Variants in ATXN2 observed in about 807,000 individuals in gnomAD.
ATXN2 encodes ataxin-2.
In ATXN2, 37 loss-of-function variants were observed where a neutral mutation model predicts 138.6. That is an observed-to-expected ratio of 0.27 (90% confidence interval 0.21 to 0.35). The LOEUF is 0.35. ATXN2 is among the 10% of genes least tolerant of loss of function. The probability of loss-of-function intolerance (pLI) is 1.00; values close to 1 mark genes in which losing one functional copy is unlikely to be tolerated. For missense variants in ATXN2, 1,216 were observed against 1,480.3 expected (o/e 0.82, Z 2.93); for synonymous variants, 549 against 543.7 (o/e 1.01, Z -0.13).
intron 1 of ATXN2, among the ~76,000 whole-genome samples, chr12:111,591,141 G>A (rs61295581): frequency 3.3e-5 from 5 of 151,856 alleles, no homozygotes; most frequent in Non-Finnish European, 5.9e-5. Context: ...TGCCCGCCTC[G>A]GCCTCCCAAA....
chr12:111,585,330 T>G (rs917916225), intron 1 of ATXN2, among the ~76,000 whole-genome samples: 7 of 151,278 alleles, frequency 4.6e-5, no homozygotes, highest in Non-Finnish European at 8.8e-5. Flanking sequence ...CTGGCCAATA[T>G]GGCAAAACCC....
chr12:111,521,877 T>C (rs1880176475), intron 6 of ATXN2, among the ~76,000 whole-genome samples: 1 of 152,136 alleles, frequency 6.6e-6, no homozygotes, highest in Non-Finnish European at 1.5e-5. Context: ...AATCAACCAA[T>C]TGGGCCACAG....
intron 18 of ATXN2, among the ~76,000 whole-genome samples, chr12:111,482,983 T>A (rs1877356477): frequency 6.6e-6 from 1 of 150,480 alleles, no homozygotes; most frequent in African/African-American, 2.5e-5. Flanking sequence ...AGCCCAGGAG[T>A]TTGAGACCAG....
rs145251550 is a variant in ATXN2, at chr12:111,470,924, T to C, written c.2525-182A>G. On this transcript the variant is annotated intron_variant, in intron 18 of 24. Transcript: ENST00000673436. The stretch of plus-strand genomic sequence containing the variant: ...CTATCATGCATGCTAGTCCTCAGCC[T>C]CAAACACCAGTTCCCAAATCCCAGC... The C allele has an allele frequency of 1.1e-3, 688 of 624,120 alleles. 3 individuals are homozygous for C. Among genetic ancestry groups the C allele is most frequent in the African/African-American group, 9.9e-3 (538 of 54,480 alleles). 38.7% of individuals were successfully genotyped at this position (624,120 alleles called of 1,614,324 possible).
At chr12:111,491,437 T>C (rs1171074641) in intron 14 of ATXN2, among the ~76,000 whole-genome samples, 1 of 152,036 alleles carries the variant, frequency 6.6e-6, no homozygotes, top group Non-Finnish European at 1.5e-5. Context: ...AGACACCAGC[T>C]AGGGTGGCCA....
chr12:111,504,253 C>A (rs776557696), intron 14 of ATXN2, among the ~76,000 whole-genome samples: 1 of 152,192 alleles, frequency 6.6e-6, no homozygotes, highest in African/African-American at 2.4e-5. Flanking sequence ...TTGTAGTCAA[C>A]AGACTTCCAA....
At chr12:111,521,687 C>CAGCAT (rs1235355691) in intron 6 of ATXN2, among the ~76,000 whole-genome samples, 46 of 152,194 alleles carry the variant, frequency 3.0e-4, no homozygotes, top group Non-Finnish European at 2.4e-4. Flanking sequence ...CCTATAACCT[C>CAGCAT]AGCATAGGTA....
chr12:111,534,809 G>C (rs1405943096), intron 5 of ATXN2, among the ~76,000 whole-genome samples: 1 of 151,942 alleles, frequency 6.6e-6, no homozygotes, highest in Non-Finnish European at 1.5e-5. Flanking sequence ...TCTCATCAGA[G>C]GGAAAAAAAC....
At chr12:111,470,414 T>G in intron 19 of ATXN2, 144 bp downstream of exon 19, 1 of 1,148,466 alleles carries the variant, frequency 8.7e-7, no homozygotes, top group Non-Finnish European at 1.2e-6. Context: ...AACCTTCGAA[T>G]ATATATTGAA....
At chr12:111,463,714 T>A (rs1323008947) in intron 21 of ATXN2, among the ~76,000 whole-genome samples, 1 of 152,204 alleles carries the variant, frequency 6.6e-6, no homozygotes, top group Non-Finnish European at 1.5e-5. Flanking sequence ...AGGGGACCTG[T>A]GCTGTCCAAG....
Position 111,552,233 on chromosome 12 carries a change from A to G in ATXN2, c.571+47T>C. ...AGATCACTGTGAAAATCTTTGCTTG[A>G]ATAAATCTAATAAACCATGAGGCAT... On this transcript the variant is annotated intron_variant, in intron 5 of 24. Transcript: ENST00000673436. The surrounding 1 kb of genome is among the most constrained non-coding windows in gnomAD (Gnocchi z 4.1). The G allele has an allele frequency of 6.6e-7, 1 of 1,517,594 alleles. No homozygotes were observed. The highest frequency in any genetic ancestry group is 8.8e-7 in the Non-Finnish European group (1 of 1,135,568). The allele number at this position is 1,517,594 out of a possible 1,614,324, so 94.0% of individuals were successfully genotyped here.
At chr12:111,521,862 A>G (rs1304157563) in intron 6 of ATXN2, among the ~76,000 whole-genome samples, 4 of 152,200 alleles carry the variant, frequency 2.6e-5, no homozygotes, top group Non-Finnish European at 5.9e-5. Flanking sequence ...TCTTTAACGT[A>G]AAAGAATCAA....
chr12:111,518,048 AAT>A (rs903755960), intron 9 of ATXN2, among the ~76,000 whole-genome samples, 199 bp downstream of exon 9: 6 of 152,206 alleles, frequency 3.9e-5, no homozygotes, highest in African/African-American at 1.4e-4. Context: ...CATGCTAAAT[AAT>A]ATATATGTCA....
intron 18 of ATXN2, 71 bp downstream of exon 18, chr12:111,485,194 C>A: frequency 1.4e-6 from 2 of 1,414,166 alleles, no homozygotes; most frequent in Non-Finnish European, 9.9e-7. Context: ...ACTATTTATT[C>A]ATTATAAACT....
intron 19 of ATXN2, 83 bp from the exon 20 acceptor site, chr12:111,470,323 T>A (rs888168888): frequency 2.5e-5 from 37 of 1,493,326 alleles, no homozygotes; most frequent in Non-Finnish European, 3.0e-5. Context: ...TTTAACTCCA[T>A]GGTTTCCAGA....
chr12:111,576,977 TAAAC>T lies in ATXN2; in HGVS notation c.252-21062_252-21059del, dbSNP rs1296219428. ...CGTCTCCAAAAAATAAATAAATAAA[TAAAC>T]AAACAAACAAACCCAGGGTTTCACC... On this transcript the variant is annotated intron_variant, in intron 1 of 24. Transcript: ENST00000673436. 8.0e-4 allele frequency among the ~76,000 whole-genome samples: 121 copies of T among 150,746 alleles called. 2 individuals carry two copies. The Middle Eastern group carries it at 0.024, about 30-fold the overall frequency.
chr12:111,599,342 G>A (rs2135864983), upstream of ATXN2: 1 of 1,162,850 alleles, frequency 8.6e-7, no homozygotes, highest in Non-Finnish European at 1.1e-6. Context: ...GCCGGGGCCG[G>A]GCGGGGGAGG....
rs1455830722 is a variant in ATXN2 at position 111,470,733 on chromosome 12, A to G, written c.2534T>C (p.Met845Thr). 2.0e-5 allele frequency: 33 copies of G among 1,614,006 alleles called. No homozygotes were observed. The highest frequency in any genetic ancestry group is 2.6e-5 in the Non-Finnish European group (31 of 1,180,042). The change falls in exon 19 of 25, where the codon ATG (methionine) becomes ACG (threonine). Residue 845 changes from methionine (M) to threonine (T), a missense_variant. Met to Thr is a moderately conservative substitution (Grantham distance 81). This residue lies in a region of ATXN2 where 490 missense variants were observed against 653.5 expected (regional missense o/e 0.75). Coordinates refer to ENST00000673436, the MANE Select transcript of ATXN2 (RefSeq NM_001372574.1). ...ATGCTGGTCTTGCCGCTGTTGGGGC[A>G]TATTTGGTACTGCAGAAAAAAAAGC... ...KTYRAGKVPN[M>T]PQQRQDQHHQ...
intron 20 of ATXN2, among the ~76,000 whole-genome samples, chr12:111,467,641 C>T (rs991583420): frequency 9.2e-5 from 14 of 152,060 alleles, no homozygotes; most frequent in East Asian, 3.9e-4. Context: ...ATGAAAGAAC[C>T]GGCTCTAATG....
Sources: allele counts gnomAD v4.1 joint callset (sites outside exome capture counted in the v4.1 genomes callset), GRCh38; gene constraint gnomAD v4.1.1; regional missense constraint gnomAD v4.1.1; non-coding constraint Gnocchi (gnomAD v3.1); transcripts MANE v1.5; gene names NCBI Gene and HGNC (gene_info 2026-07-23, HGNC 2026-07-21).